The following HMCN2 variants were observed in gnomAD, a reference collection of about 807,000 sequenced individuals.
HMCN2 encodes hemicentin-2.
A neutral mutation model predicts 377.5 loss-of-function variants in HMCN2; 325 were observed. The observed-to-expected ratio is 0.86, with a 90% CI of 0.79 to 0.94. HMCN2 has a LOEUF of 0.94. Ranked by LOEUF, HMCN2 falls within the 40% of genes least tolerant of loss-of-function variation. The pLI is 0.00. For synonymous variants in HMCN2, 2,007 were observed against 2,046.8 expected (o/e 0.98, Z 0.53); for missense variants, 4,543 against 4,725.3 (o/e 0.96, Z 1.13).
intron 15 of HMCN2, among the ~76,000 whole-genome samples, chr9:130,311,335 G>C (rs1837230807): frequency 6.6e-6 from 1 of 152,218 alleles, no homozygotes; most frequent in African/African-American, 2.4e-5. Context: ...TCTGGCCTGG[G>C]GGGGTTGTGC....
At position 130,368,299 on chromosome 9, in the gene HMCN2, G is replaced by C; in HGVS notation, c.6649G>C (p.Ala2217Pro). The change falls in exon 44 of 98, where the codon GCT becomes CCT. Residue 2217 changes from alanine (A) to proline (P), a missense_variant. Around this residue, in one of 5 missense-constraint regions of HMCN2, gnomAD observed 1,032 missense variants for 1,285.1 expected, o/e 0.80. Coordinates refer to ENST00000683500, the MANE Select transcript of HMCN2 (RefSeq NM_001291815.2). The stretch of plus-strand genomic sequence containing the variant: ...AGGTCAACCCCTCCCCGGGGAGGGG[G>C]CTGGCCTCCAGCACGTGTCGGCTGT... ...KDGQPLPGEGAGLQHVSAVGR... is the reference protein window; with the variant it reads ...KDGQPLPGEGPGLQHVSAVGR... 1.0e-6 allele frequency: 1 copy of C among 985,716 alleles called. No individual in the cohort carries two copies. The highest frequency in any genetic ancestry group is 1.2e-6 in the Non-Finnish European group (1 of 829,894). 61.1% of individuals were successfully genotyped at this position (985,716 alleles called of 1,614,324 possible).
intron 1 of HMCN2, among the ~76,000 whole-genome samples, chr9:130,281,908 A>G (rs1423857781): frequency 3.3e-5 from 5 of 151,816 alleles, no homozygotes; most frequent in Admixed American, 6.6e-5. Context: ...AAAAAAAAAA[A>G]AGACTTGGAC....
At chr9:130,267,918 T>A (rs1834212075) in intron 1 of HMCN2, among the ~76,000 whole-genome samples, 1 of 152,222 alleles carries the variant, frequency 6.6e-6, no homozygotes, top group Non-Finnish European at 1.5e-5. Context: ...ACCCACTTTC[T>A]GAATTGTTCT....
At chr9:130,310,159 G>A (rs2131364644) in intron 15 of HMCN2, 98 bp downstream of exon 15, 1 of 392,372 alleles carries the variant, frequency 2.5e-6, no homozygotes, top group East Asian at 7.2e-5. Flanking sequence ...CACACAAGTG[G>A]CCAGTGTAGA....
chr9:130,299,699 T>G (rs1425362829), intron 8 of HMCN2, among the ~76,000 whole-genome samples: 1 of 140,868 alleles, frequency 7.1e-6, no homozygotes, highest in Non-Finnish European at 1.5e-5. Context: ...ACTCACCTAT[T>G]CATCCATCCA....
Position 130,406,032 on chromosome 9 carries a change from C to G in HMCN2, c.12417C>G (p.Ile4139Met), listed in dbSNP as rs1380180557. 3.1e-5 allele frequency: 40 copies of G among 1,289,766 alleles called. No homozygotes were observed. The highest frequency in any genetic ancestry group is 3.9e-5 in the Non-Finnish European group (39 of 988,882). The allele number at this position is 1,289,766 out of a possible 1,614,324, so 79.9% of individuals were successfully genotyped here. A position where few individuals can be genotyped will look rare whatever the true frequency, so the allele number is the denominator to read the frequency against. ...CCCGCCGCCGCGTGCACCTCACCAT[C>G]CTGGTACTGCCTGTGTTCACCACCC... ...GRARRRVHLT[I>M]LVLPVFTTLP... Residue 4139 changes from isoleucine to methionine, a missense_variant, in exon 82 of 98, where the codon ATC becomes ATG. Transcript: ENST00000683500.
intron 34 of HMCN2, among the ~76,000 whole-genome samples, chr9:130,357,083 T>C (rs888308754): frequency 2.7e-5 from 4 of 150,494 alleles, no homozygotes; most frequent in African/African-American, 9.8e-5. Context: ...GATGGATGGA[T>C]GGATGGATGG....
Position 130,274,961 on chromosome 9 carries a change from TAGATTCCCAG to T in HMCN2, c.259+8829_259+8838del, listed in dbSNP as rs1834604206. Among the ~76,000 whole-genome samples the T allele has an allele frequency of 2.0e-5, 3 of 152,358 alleles. No individual in the cohort carries two copies. In the South Asian group the frequency reaches 6.2e-4, roughly 32 times the overall value. ...CATATTTGCAAACATATCTACAGAA[TAGATTCCCAG>T]AGATAAAATTGCTTTGTTAAAGTAT... On this transcript the variant is annotated intron_variant, in intron 1 of 97. Transcript: ENST00000683500.
At chr9:130,411,841 G>A (rs1295410338) in intron 85 of HMCN2, among the ~76,000 whole-genome samples, 1 of 150,968 alleles carries the variant, frequency 6.6e-6, no homozygotes, top group African/African-American at 2.4e-5. Context: ...TAATGAGTCC[G>A]GAGTTTCAGT....
intron 53 of HMCN2, 93 bp downstream of exon 53, chr9:130,377,892 A>C (rs1310063429): frequency 6.6e-6 from 6 of 913,524 alleles, no homozygotes; most frequent in African/African-American, 1.8e-5. Context: ...TGTGTCCTGC[A>C]GCTCACGCGC....
Position 130,392,107 on chromosome 9 carries a change from C to T in HMCN2, c.10125C>T (p.Gly3375=). The change falls in exon 66 of 98, where the codon GGC becomes GGT. Residue 3375 remains glycine, a synonymous_variant. Coordinates refer to ENST00000683500, the MANE Select transcript of HMCN2 (RefSeq NM_001291815.2). ...LSQRTLLHGS[G]HTLRISKVQL... The stretch of plus-strand genomic sequence containing the variant: ...AGCGCACCCTCCTCCACGGCTCTGG[C>T]CACACCCTCAGGTAGGGGAGACGGT... 1 of 988,306 alleles carries T rather than the reference C, an allele frequency of 1.0e-6. No homozygotes were observed. The highest frequency in any genetic ancestry group is 1.2e-6 in the Non-Finnish European group (1 of 830,300). 61.2% of individuals were successfully genotyped at this position (988,306 alleles called of 1,614,324 possible). A position where few individuals can be genotyped will look rare whatever the true frequency, so the allele number is the denominator to read the frequency against.
intron 90 of HMCN2, among the ~76,000 whole-genome samples, chr9:130,426,359 A>G (rs1844366449): frequency 6.6e-6 from 1 of 152,380 alleles, no homozygotes; most frequent in South Asian, 2.1e-4. Context: ...ACATACGTTC[A>G]CATTATTTGA....
chr9:130,368,806 C>T (rs768863421), intron 44 of HMCN2, among the ~76,000 whole-genome samples: 5 of 152,126 alleles, frequency 3.3e-5, no homozygotes, highest in African/African-American at 4.8e-5. Context: ...AGAACTGACT[C>T]ACTCACTCGC....
chr9:130,333,773 G>C (rs1838561882), intron 22 of HMCN2, among the ~76,000 whole-genome samples: 1 of 152,240 alleles, frequency 6.6e-6, no homozygotes, highest in African/African-American at 2.4e-5. Context: ...AGAAGGAGCA[G>C]GTGGTAGGCT....
intron 50 of HMCN2, 66 bp downstream of exon 50, chr9:130,375,802 A>G (rs1288411817): frequency 2.0e-6 from 2 of 979,522 alleles, no homozygotes; most frequent in Non-Finnish European, 2.4e-6. Flanking sequence ...GGAGGAGAGG[A>G]CCTGTGAGCC....
chr9:130,406,450 T>A (rs1218865620), intron 82 of HMCN2: 20 of 313,086 alleles, frequency 6.4e-5, no homozygotes, highest in Non-Finnish European at 1.1e-4. Flanking sequence ...AGTCCAGAGC[T>A]GCTGCTCCCA....
At chr9:130,330,738 C>T (rs1838382411) in intron 22 of HMCN2, among the ~76,000 whole-genome samples, 3 of 152,130 alleles carry the variant, frequency 2.0e-5, no homozygotes, top group Admixed American at 2.0e-4. Context: ...TAAAATTAAA[C>T]CTCGTGCATC....
intron 22 of HMCN2, among the ~76,000 whole-genome samples, chr9:130,331,175 C>G (rs1838407881): frequency 7.1e-6 from 1 of 141,250 alleles, no homozygotes. Context: ...AAAAAAAGGA[C>G]AAAGTAACAT....
At chr9:130,297,367 G>A (rs1191581328) in intron 7 of HMCN2, among the ~76,000 whole-genome samples, 2 of 152,242 alleles carry the variant, frequency 1.3e-5, no homozygotes, top group Admixed American at 6.5e-5. Flanking sequence ...ACCAGGGTCC[G>A]AGGATGCCTG....
Sources: gnomAD v4.1 joint callset for allele counts (sites outside exome capture counted in the v4.1 genomes callset) on GRCh38, gnomAD v4.1.1 for gene constraint, gnomAD v4.1.1 regional missense constraint, MANE v1.5 for transcripts, NCBI Gene and HGNC (gene_info 2026-07-23, HGNC 2026-07-21) for gene names.